FAR2: variants seen among roughly 807,000 people sequenced by gnomAD.
The protein encoded by FAR2 is fatty acyl-CoA reductase 2, also known as epididymis secretory protein Li 81.
Under a neutral mutation model 56.0 loss-of-function variants are expected in FAR2, and 19 were observed. That is an observed-to-expected ratio of 0.34 (90% CI 0.24 to 0.50). The LOEUF is 0.50. Ranked by LOEUF, FAR2 falls within the 20% of genes least tolerant of loss-of-function variation. The pLI, the probability that FAR2 is intolerant of heterozygous loss-of-function variation, is 0.98. For missense variants in FAR2, 508 were observed against 642.2 expected (o/e 0.79, Z 2.26); for synonymous variants, 219 against 218.8 (o/e 1.00, Z -0.01).
chr12:29,229,268 AC>A (rs1169413902), intron 1 of FAR2, among the ~76,000 whole-genome samples: 1 of 152,186 alleles, frequency 6.6e-6, no homozygotes, highest in African/African-American at 2.4e-5. Context: ...CTTACGAAAA[AC>A]TGAGGCCTGA....
rs150500476 is a variant in FAR2, at chr12:29,185,894, G to T, written c.-39+36487G>T. 1.4e-3 allele frequency among the ~76,000 whole-genome samples: 212 copies of T among 152,048 alleles called. 1 individual carries two copies. In the South Asian group the frequency reaches 0.02, roughly 14 times the overall value. ...CGCGCCAACCTCTCAACCTCCCCCT[G>T]CCCCATAGACAGAAGGAAAAACTGA... On this transcript the variant is annotated intron_variant, in intron 1 of 11. Transcript: ENST00000536681.
rs115574249 is a variant in FAR2 at position 29,207,187 on chromosome 12, C to T, written c.-39+57780C>T. ...GACAATGGAGTAAATTTAGCCACAA[C>T]GCCTGACTTTTTCAGCTGGAGAAAT... is the stretch of plus-strand genomic sequence containing the variant. On this transcript the variant is annotated intron_variant, in intron 1 of 11. Transcript: ENST00000536681. 2.1e-3 allele frequency among the ~76,000 whole-genome samples: 320 copies of T among 152,250 alleles called. 1 individual carries two copies. Among genetic ancestry groups the T allele is most frequent in the African/African-American group, 7.4e-3 (307 of 41,522 alleles).
intron 1 of FAR2, among the ~76,000 whole-genome samples, chr12:29,186,757 TA>T (rs1950046081): frequency 5.7e-4 from 4 of 6,982 alleles, no homozygotes; most frequent in East Asian, 0.02. Context: ...CTTTATTTAT[TA>T]TTTATTTATT....
Position 29,303,769 on chromosome 12 carries a change from T to C in FAR2, c.546-3889T>C, listed in dbSNP as rs548166225. The stretch of plus-strand genomic sequence containing the variant: ...AGCACTTGTGCTTTTAATTTCAGGA[T>C]GGCACAGCTTCAAAATGACATCTAT... On this transcript the variant is annotated intron_variant, in intron 4 of 11. Transcript: ENST00000536681. Among the ~76,000 whole-genome samples the C allele has an allele frequency of 1.1e-4, 17 of 152,368 alleles. 1 individual carries two copies. The highest frequency in any genetic ancestry group is 3.8e-4 in the African/African-American group (16 of 41,582).
rs146669855 is a variant in FAR2 at position 29,158,794 on chromosome 12, A to G, written c.-39+9387A>G. 3.3e-4 allele frequency among the ~76,000 whole-genome samples: 50 copies of G among 152,372 alleles called. No individual in the cohort carries two copies. The East Asian group carries it at 6.9e-3, about 21-fold the overall frequency. On this transcript the variant is annotated intron_variant, in intron 1 of 11. Transcript: ENST00000536681. ...CACACTGGAAATTGTAGAATGTTCA[A>G]GTACCATATCTATATTTGGTTCAAT...
At chr12:29,326,163 A>G (rs1285448910) in intron 10 of FAR2, among the ~76,000 whole-genome samples, 1 of 152,186 alleles carries the variant, frequency 6.6e-6, no homozygotes, top group Non-Finnish European at 1.5e-5. Flanking sequence ...AGAAATGGAT[A>G]AATTCCTCGA....
intron 1 of FAR2, among the ~76,000 whole-genome samples, chr12:29,219,016 G>A (rs1289061106): frequency 1.3e-5 from 2 of 152,104 alleles, no homozygotes; most frequent in African/African-American, 2.4e-5. Flanking sequence ...AGCGTCTTGA[G>A]TAGCTGGGAC....
chr12:29,174,423 C>CTTTTTTTTTTTTTTT lies in FAR2; in HGVS notation c.-39+25031_-39+25045dup, dbSNP rs55827253. Among the ~76,000 whole-genome samples, 3 of 55,422 alleles carry CTTTTTTTTTTTTTTT rather than the reference C, an allele frequency of 5.4e-5. 1 individual carries two copies. The highest frequency in any genetic ancestry group is 2.9e-5 in the Non-Finnish European group (1 of 34,150). The allele number at this position is 55,422 out of a possible 152,430, so 36.4% of individuals were successfully genotyped here. On this transcript the variant is annotated intron_variant, in intron 1 of 11. Transcript: ENST00000536681. ...CCAGAGACAGGGAGTGGTTTTTATT[C>CTTTTTTTTTTTTTTT]TTTTTTTTTTTTTTTTTTTTTTTTT...
intron 1 of FAR2, among the ~76,000 whole-genome samples, chr12:29,231,725 G>A (rs893415169): frequency 2.6e-5 from 4 of 152,164 alleles, no homozygotes; most frequent in African/African-American, 9.7e-5. Context: ...TTTTCCCTCT[G>A]TTGAAAATGA....
At chr12:29,276,954 A>G (rs1948710823) in intron 2 of FAR2, among the ~76,000 whole-genome samples, 1 of 151,674 alleles carries the variant, frequency 6.6e-6, no homozygotes, top group South Asian at 2.1e-4. Context: ...AAAAAAAAAA[A>G]TAGATAAAAT....
At chr12:29,329,998 CGTT>C (rs1040223017) in intron 10 of FAR2, among the ~76,000 whole-genome samples, 5 of 150,294 alleles carry the variant, frequency 3.3e-5, no homozygotes, top group East Asian at 2.0e-4. Flanking sequence ...TCATAGGACT[CGTT>C]GTTCAAAAGG....
At chr12:29,183,843 A>T (rs1163359586) in intron 1 of FAR2, among the ~76,000 whole-genome samples, 1 of 152,222 alleles carries the variant, frequency 6.6e-6, no homozygotes, top group Non-Finnish European at 1.5e-5. Flanking sequence ...TGTATCATTC[A>T]TGTATTAAAT....
At chr12:29,207,961 G>A (rs1476895984) in intron 1 of FAR2, among the ~76,000 whole-genome samples, 2 of 152,196 alleles carry the variant, frequency 1.3e-5, no homozygotes, top group Non-Finnish European at 2.9e-5. Flanking sequence ...CAGCATTTTG[G>A]GAGGCCAGGA....
chr12:29,290,207 A>T (rs1038156478), intron 2 of FAR2, among the ~76,000 whole-genome samples: 3 of 152,158 alleles, frequency 2.0e-5, no homozygotes, highest in Non-Finnish European at 4.4e-5. Flanking sequence ...GCACTTTGGG[A>T]GGCTGAGACG....
chr12:29,273,174 G>T lies in FAR2; in HGVS notation c.189+2536G>T, dbSNP rs750153831. Among the ~76,000 whole-genome samples, 6 of 152,162 alleles carry T rather than the reference G, an allele frequency of 3.9e-5. No individual in the cohort carries two copies. The South Asian group carries it at 1.2e-3, about 32-fold the overall frequency. ...ACCACTTTGTCCCTTGGTGGAGAGG[G>T]TGTGTTTCACTGGGGGGAAACCCAC... On this transcript the variant is annotated intron_variant, in intron 2 of 11. Transcript: ENST00000536681.
intron 10 of FAR2, among the ~76,000 whole-genome samples, chr12:29,324,109 C>T (rs888700647): frequency 1.6e-4 from 24 of 152,160 alleles, no homozygotes; most frequent in African/African-American, 5.8e-4. Flanking sequence ...ATGCACAAGC[C>T]TCAGTAACCG....
chr12:29,186,562 C>T (rs532595418), intron 1 of FAR2, among the ~76,000 whole-genome samples: 1 of 152,212 alleles, frequency 6.6e-6, no homozygotes, highest in Admixed American at 6.5e-5. Context: ...CTGGATGAGT[C>T]ACTTGAGTAT....
Position 29,208,996 on chromosome 12 carries a change from A to G in FAR2, c.-39+59589A>G, listed in dbSNP as rs144839703. ...CTGATGAAGACACACAGACTACTCA[A>G]AAGGGAGAACGAGGCAAGTCAGAAG... On this transcript the variant is annotated intron_variant, in intron 1 of 11. Coordinates refer to ENST00000536681, the MANE Select transcript of FAR2 (RefSeq NM_001271783.2). Among the ~76,000 whole-genome samples, 220 of 152,234 alleles carry G rather than the reference A, an allele frequency of 1.4e-3. 1 individual carries two copies. In the South Asian group the frequency reaches 0.021, roughly 15 times the overall value.
chr12:29,222,778 A>C (rs1261209110), intron 1 of FAR2, among the ~76,000 whole-genome samples: 1 of 152,168 alleles, frequency 6.6e-6, no homozygotes, highest in Non-Finnish European at 1.5e-5. Flanking sequence ...AATCTTTCAA[A>C]TTTGAATTCA....
Sources: allele counts gnomAD v4.1 joint callset (sites outside exome capture counted in the v4.1 genomes callset), GRCh38; gene constraint gnomAD v4.1.1; transcripts MANE v1.5; gene names NCBI Gene and HGNC (gene_info 2026-07-23, HGNC 2026-07-21).